The following NNMT variants were observed in gnomAD, a reference collection of about 807,000 sequenced individuals.
NNMT encodes the protein nicotinamide N-methyltransferase.
In NNMT, 10 loss-of-function variants were observed where a neutral mutation model predicts 11.7. The ratio of observed to expected loss-of-function variants is 0.85; its 90% CI spans 0.53 to 1.45. The LOEUF (loss-of-function observed/expected upper bound fraction) is 1.45. Ranked by LOEUF, NNMT falls within the 40% of genes most tolerant of loss-of-function variation. The pLI is 0.00. For synonymous variants in NNMT, 143 were observed against 133.8 expected, an observed-to-expected ratio of 1.07 and a Z score of -0.48; for missense variants, 381 against 319.4, an observed-to-expected ratio of 1.19 and a Z score of -1.47.
At chr11:114,306,248 A>G (rs1945491114) in intron 2 of NNMT, among the ~76,000 whole-genome samples, 1 of 152,188 alleles carries the variant, frequency 6.6e-6, no homozygotes, top group Non-Finnish European at 1.5e-5. Context: ...TCTGGATATT[A>G]GCCCTTTGTC....
At chr11:114,304,518 C>T (rs1235143670) in intron 2 of NNMT, among the ~76,000 whole-genome samples, 1 of 152,168 alleles carries the variant, frequency 6.6e-6, no homozygotes, top group Non-Finnish European at 1.5e-5. Context: ...TGATAATGAT[C>T]CTATGCAACT....
chr11:114,309,009 A>G (rs767150701), intron 2 of NNMT, among the ~76,000 whole-genome samples: 1 of 152,156 alleles, frequency 6.6e-6, no homozygotes, highest in Non-Finnish European at 1.5e-5. Context: ...TGTTTCAAAT[A>G]GCTTAATACG....
intron 2 of NNMT, among the ~76,000 whole-genome samples, chr11:114,279,847 G>A (rs1033990549): frequency 2.0e-5 from 3 of 152,216 alleles, no homozygotes; most frequent in Admixed American, 6.5e-5. Context: ...AGAAAGAAAT[G>A]CCTAATTTGG....
At chr11:114,275,467 T>C (rs747847534) in intron 2 of NNMT, among the ~76,000 whole-genome samples, 10 of 152,190 alleles carry the variant, frequency 6.6e-5, no homozygotes, top group Non-Finnish European at 1.5e-4. Context: ...AGAAGCACAT[T>C]GCAGAGACAG....
intron 1 of NNMT, among the ~76,000 whole-genome samples, chr11:114,262,628 C>G (rs953356017): frequency 6.6e-6 from 1 of 152,152 alleles, no homozygotes; most frequent in Admixed American, 6.5e-5. Flanking sequence ...TTTTCACTCT[C>G]CTTGCCTCTG....
intron 2 of NNMT, among the ~76,000 whole-genome samples, chr11:114,281,562 CA>C (rs1396801988): frequency 6.6e-6 from 1 of 152,104 alleles, no homozygotes; most frequent in Non-Finnish European, 1.5e-5. Context: ...GGCAAAGGGT[CA>C]GACAGTGTGA....
upstream of NNMT, among the ~76,000 whole-genome samples, chr11:114,295,625 T>G (rs1400447141): frequency 2.6e-5 from 4 of 151,792 alleles, no homozygotes; most frequent in Non-Finnish European, 2.9e-5. Context: ...GAGACGGGGT[T>G]TCACCATGTT....
chr11:114,262,453 G>A (rs1337857790), intron 1 of NNMT, among the ~76,000 whole-genome samples: 1 of 152,114 alleles, frequency 6.6e-6, no homozygotes, highest in Non-Finnish European at 1.5e-5. Context: ...AGAACATGCG[G>A]TGTTTGGTTT....
chr11:114,271,361 G>T (rs1945168576), intron 2 of NNMT, among the ~76,000 whole-genome samples: 1 of 152,148 alleles, frequency 6.6e-6, no homozygotes, highest in South Asian at 2.1e-4. Context: ...CAGCCCTCGT[G>T]TCTGGCACTA....
chr11:114,298,373 CAG>C, intron 2 of NNMT: 1 of 549,926 alleles, frequency 1.8e-6, no homozygotes, highest in Admixed American at 3.1e-5. Context: ...ATGGAAGACA[CAG>C]GGAGAGGGTT....
chr11:114,263,745 G>A (rs1945100925), intron 2 of NNMT, among the ~76,000 whole-genome samples: 1 of 152,174 alleles, frequency 6.6e-6, no homozygotes, highest in Non-Finnish European at 1.5e-5. Context: ...CAGAAGCCTG[G>A]ACTTCCTCCC....
chr11:114,271,308 A>T (rs967574277), intron 2 of NNMT, among the ~76,000 whole-genome samples: 1 of 152,210 alleles, frequency 6.6e-6, no homozygotes, highest in Non-Finnish European at 1.5e-5. Context: ...AGACCAAATT[A>T]TACAATATAA....
rs914657950 is a variant in NNMT at position 114,312,557 on chromosome 11, G to C, written c.*80G>C. ...CTTGTTTCTAACTGCCAAGTCATGT[G>C]CTGAGTAGAGGCTCAGTGGTTGGGG... On this transcript the variant is annotated 3_prime_UTR_variant, in exon 3 of 3. Coordinates refer to ENST00000299964, the MANE Select transcript of NNMT (RefSeq NM_006169.3). The C allele has an allele frequency of 2.2e-6, 3 of 1,393,988 alleles. No individual in the cohort carries two copies. In the African/African-American group the frequency reaches 4.2e-5, roughly 20 times the overall value. The allele number at this position is 1,393,988 out of a possible 1,614,324, so 86.4% of individuals were successfully genotyped here.
chr11:114,312,453 G>T lies in NNMT; in HGVS notation c.771G>T (p.Ala257=). The T allele has an allele frequency of 6.2e-7, 1 of 1,613,906 alleles. No homozygotes were observed. Residue 257 remains alanine (A), a synonymous_variant, in exon 3 of 3, where the codon GCG becomes GCT. Coordinates refer to ENST00000299964, the MANE Select transcript of NNMT (RefSeq NM_006169.3). The part of the protein sequence containing the change: ...ANNEGLFSLV[A]RKLSRPL ...ACGAAGGACTTTTCTCCCTGGTGGC[G>T]AGGAAGCTGAGCAGACCCCTGTGAT... is the stretch of plus-strand genomic sequence containing the variant.
Position 114,279,689 on chromosome 11 carries a change from C to T in NNMT, c.-129-16739C>T, listed in dbSNP as rs375501044. Among the ~76,000 whole-genome samples the T allele has an allele frequency of 2.0e-3, 300 of 152,308 alleles. 4 individuals are homozygous for T. Among genetic ancestry groups the T allele is most frequent in the African/African-American group, 6.8e-3 (282 of 41,568 alleles). ...GACAGTGCTAGGAAGGTAGCTCAGG[C>T]GTGGCTCTAGGAGCCCCTGCAATCA... On this transcript the variant is annotated intron_variant, in intron 2 of 4. Transcript: ENST00000535401.
intron 2 of NNMT, among the ~76,000 whole-genome samples, chr11:114,309,175 G>T (rs905776836): frequency 6.6e-6 from 1 of 152,124 alleles, no homozygotes; most frequent in Non-Finnish European, 1.5e-5. Flanking sequence ...ATTCCTATGT[G>T]CAGATAGGTT....
chr11:114,312,010 G>T, intron 2 of NNMT, 35 bp from the exon 3 acceptor site: 1 of 1,526,976 alleles, frequency 6.5e-7, no homozygotes, highest in Non-Finnish European at 8.8e-7. Context: ...CATGACTGGA[G>T]TGGAAAACAA....
intron 1 of NNMT, among the ~76,000 whole-genome samples, chr11:114,262,234 C>A (rs975703111): frequency 5.3e-5 from 8 of 152,070 alleles, no homozygotes; most frequent in Admixed American, 5.2e-4. Flanking sequence ...GGTACATGTG[C>A]CGGATGTGCA....
intron 2 of NNMT, among the ~76,000 whole-genome samples, chr11:114,273,797 TC>T (rs1268067458): frequency 3.3e-5 from 5 of 151,870 alleles, no homozygotes; most frequent in African/African-American, 1.2e-4. Context: ...CTGAGATCGC[TC>T]CATTGCACTC....
Sources: allele counts gnomAD v4.1 joint callset (sites outside exome capture counted in the v4.1 genomes callset), GRCh38; gene constraint gnomAD v4.1.1; transcripts MANE v1.5; gene names NCBI Gene and HGNC (gene_info 2026-07-23, HGNC 2026-07-21).